Variants in UBE2Q1 observed in about 807,000 individuals in gnomAD.
The protein encoded by UBE2Q1 is ubiquitin conjugating enzyme E2 Q1.
In UBE2Q1, 6 loss-of-function variants were observed where a neutral mutation model predicts 60.1. The observed-to-expected ratio is 0.10, with a 90% CI of 0.05 to 0.20. UBE2Q1 has a LOEUF of 0.20. Among genes scored for constraint, UBE2Q1 ranks in the 10% least tolerant of loss-of-function variants. The probability of loss-of-function intolerance (pLI) is 1.00; values close to 1 mark genes in which losing one functional copy is unlikely to be tolerated. For missense variants in UBE2Q1, 262 were observed against 525.8 expected (o/e 0.50, Z 4.91); for synonymous variants, 226 against 208.3 (o/e 1.09, Z -0.73).
intron 6 of UBE2Q1, 75 bp from the exon 7 acceptor site, chr1:154,552,539 C>T: frequency 6.4e-7 from 1 of 1,561,286 alleles, no homozygotes; most frequent in Non-Finnish European, 8.8e-7. Flanking sequence ...ACCCCTTTCC[C>T]AGACTGAGAG....
Position 154,552,190 on chromosome 1 carries a change from A to G in UBE2Q1, c.876-7T>C. 6.2e-7 allele frequency: 1 copy of G among 1,614,196 alleles called. No individual in the cohort carries two copies. On this transcript the variant is annotated splice_polypyrimidine_tract_variant and splice_region_variant and intron_variant, in intron 7 of 12. Coordinates refer to ENST00000292211, the MANE Select transcript of UBE2Q1 (RefSeq NM_017582.7). ...AGCGCTGTCCTGGTCAACTCTAAGA[A>G]GCAACAAGCCTGGGCTCAGATGCCT...
At chr1:154,555,810 G>A in intron 2 of UBE2Q1, 50 bp downstream of exon 2, 1 of 1,534,172 alleles carries the variant, frequency 6.5e-7, no homozygotes, top group Non-Finnish European at 9.0e-7. Context: ...TGCCTTTGTG[G>A]CATGGGCCTC....
rs959485135 is a variant in UBE2Q1 at position 154,558,475 on chromosome 1, C to A, written c.79G>T (p.Ala27Ser). 2 of 1,286,874 alleles carry A rather than the reference C, an allele frequency of 1.6e-6. No individual in the cohort carries two copies. The allele number at this position is 1,286,874 out of a possible 1,614,324, so 79.7% of individuals were successfully genotyped here. A position where few individuals can be genotyped will look rare whatever the true frequency, so the allele number is the denominator to read the frequency against. Residue 27 changes from alanine to serine, a missense_variant, in exon 1 of 13, where the codon GCC becomes TCC. Physicochemically the swap from Ala to Ser is moderately conservative, Grantham distance 99. This residue lies in a region of UBE2Q1 where 70 missense variants were observed against 56.7 expected (regional missense o/e 1.24). Coordinates refer to ENST00000292211, the MANE Select transcript of UBE2Q1 (RefSeq NM_017582.7). The part of the protein sequence containing the change: ...QLGGQGAAPG[A>S]GGGPGGGPGP... The stretch of plus-strand genomic sequence containing the variant: ...GGGCCCCCCCCTGGGCCGCCCCCGG[C>A]CCCCGGCGCCGCCCCCTGGCCCCCC...
At chr1:154,551,513 G>C in intron 10 of UBE2Q1, 21 bp from the exon 11 acceptor site, 3 of 1,612,318 alleles carry the variant, frequency 1.9e-6, no homozygotes, top group Non-Finnish European at 2.5e-6. Context: ...GGAAGGACAA[G>C]GCAAGCAGGT....
At chr1:154,554,714 C>T (rs754397180) in intron 4 of UBE2Q1, 21 bp downstream of exon 4, 2 of 1,612,290 alleles carry the variant, frequency 1.2e-6, no homozygotes, top group Non-Finnish European at 8.5e-7. Context: ...CAGCCAATGC[C>T]ACCTCAGGGG....
In UBE2Q1 at chr1:154,550,316, A is replaced by C; in HGVS notation, c.*122T>G. On this transcript the variant is annotated 3_prime_UTR_variant, in exon 13 of 13. Transcript: ENST00000292211. Reference sequence around the variant, plus strand: ...GCCATCATTGTCCTGCAATAGGCAGAGCTATCACGTCCAGGAAAAATGAGG... The same window carrying C: ...GCCATCATTGTCCTGCAATAGGCAGCGCTATCACGTCCAGGAAAAATGAGG... 1 of 1,287,376 alleles carries C rather than the reference A, an allele frequency of 7.8e-7. No individual in the cohort carries two copies. The highest frequency in any genetic ancestry group is 1.9e-4 in the Middle Eastern group (1 of 5,316). 79.7% of individuals were successfully genotyped at this position (1,287,376 alleles called of 1,614,324 possible). A position where few individuals can be genotyped will look rare whatever the true frequency, so the allele number is the denominator to read the frequency against.
intron 4 of UBE2Q1, 71 bp downstream of exon 4, chr1:154,554,664 T>C (rs1012514638): frequency 1.4e-5 from 21 of 1,494,696 alleles, no homozygotes; most frequent in Admixed American, 1.8e-5. Context: ...AGACTGGAGT[T>C]CTGGATATGG....
intron 1 of UBE2Q1, among the ~76,000 whole-genome samples, chr1:154,556,582 G>A (rs1452219576): frequency 2.0e-5 from 3 of 152,212 alleles, no homozygotes; most frequent in African/African-American, 7.2e-5. Flanking sequence ...CCAGGCGTGG[G>A]CTGTAGGGCT....
chr1:154,552,311 A>C (rs1557844800), intron 7 of UBE2Q1, 93 bp downstream of exon 7: 3 of 1,594,688 alleles, frequency 1.9e-6, no homozygotes, highest in Non-Finnish European at 8.6e-7. Context: ...CCTGAATGAA[A>C]ATGCTGGATG....
At position 154,550,851 on chromosome 1, in the gene UBE2Q1, AAAG is replaced by A. The variant is rs1338836751; in HGVS notation, c.1237+84_1237+86del. On this transcript the variant is annotated intron_variant, in intron 12 of 12. Coordinates refer to ENST00000292211, the MANE Select transcript of UBE2Q1 (RefSeq NM_017582.7). The stretch of plus-strand genomic sequence containing the variant: ...ATGGGTGGTTGAGTATCAGAAACCA[AAAG>A]AAGGGGTTCTTGCTCTGTGGCTGGA... The A allele has an allele frequency of 8.7e-6, 14 of 1,608,606 alleles. No individual in the cohort carries two copies. The East Asian group carries it at 8.9e-5, about 10-fold the overall frequency.
Position 154,558,599 on chromosome 1 carries a change from G to C in UBE2Q1, c.-46C>G. 17 of 1,006,546 alleles carry C rather than the reference G, an allele frequency of 1.7e-5. No homozygotes were observed. Among genetic ancestry groups the C allele is most frequent in the Non-Finnish European group, 2.0e-5 (17 of 851,616 alleles). The allele number at this position is 1,006,546 out of a possible 1,614,324, so 62.4% of individuals were successfully genotyped here. ...GGGGCCGGCGGGCCGGGAGCCTCCGGCCTGCGCTCCGGGCTCCGCCGCCGC... is the reference window on the plus strand; with the variant it reads ...GGGGCCGGCGGGCCGGGAGCCTCCGCCCTGCGCTCCGGGCTCCGCCGCCGC... On this transcript the variant is annotated 5_prime_UTR_variant, in exon 1 of 13. Transcript: ENST00000292211.
At chr1:154,551,528 A>T (rs1362100093) in intron 10 of UBE2Q1, 36 bp from the exon 11 acceptor site, 1 of 1,604,478 alleles carries the variant, frequency 6.2e-7, no homozygotes, top group African/African-American at 1.3e-5. Context: ...GCAGGTCCAG[A>T]TGGAGCTTCC....
In UBE2Q1 at chr1:154,550,088, T is replaced by A; in HGVS notation, c.*350A>T. The A allele has an allele frequency of 4.1e-6, 1 of 243,410 alleles. No homozygotes were observed. Among genetic ancestry groups the A allele is most frequent in the Non-Finnish European group, 7.8e-6 (1 of 127,524 alleles). 15.1% of individuals were successfully genotyped at this position (243,410 alleles called of 1,614,324 possible). ...GCAGTGTACATGAAATAAGAGAAAA[T>A]AAATTAAAAATCCATAGCATAGGTA... On this transcript the variant is annotated 3_prime_UTR_variant, in exon 13 of 13. Transcript: ENST00000292211.
Position 154,555,414 on chromosome 1 carries a change from C to A in UBE2Q1, c.537+14G>T. The A allele has an allele frequency of 1.2e-6, 2 of 1,612,646 alleles. No individual in the cohort carries two copies. Among genetic ancestry groups the A allele is most frequent in the Non-Finnish European group, 1.7e-6 (2 of 1,178,910 alleles). On this transcript the variant is annotated intron_variant, in intron 3 of 12. Coordinates refer to ENST00000292211, the MANE Select transcript of UBE2Q1 (RefSeq NM_017582.7). ...ACTCTGCACAACAGGGCCCGAGGCT[C>A]CTCAGCTGCTCACCTGCTCTGCTGG...
rs1557845148 is a variant in UBE2Q1 at position 154,553,181 on chromosome 1, G to A, written c.589-9C>T. On this transcript the variant is annotated splice_polypyrimidine_tract_variant and intron_variant, in intron 4 of 12. Transcript: ENST00000292211. ...TCTAAGTCTTCTGTGTCCTGGAGGAGGTGTGGGGTGGGAGTGAAAAGAAAA... is the reference window on the plus strand; with the variant it reads ...TCTAAGTCTTCTGTGTCCTGGAGGAAGTGTGGGGTGGGAGTGAAAAGAAAA... 3 of 1,608,908 alleles carry A rather than the reference G, an allele frequency of 1.9e-6. No homozygotes were observed. Among genetic ancestry groups the A allele is most frequent in the East Asian group, 4.5e-5 (2 of 44,848 alleles).
At chr1:154,551,696 C>T (rs1439783176) in intron 10 of UBE2Q1, 75 bp downstream of exon 10, 18 of 1,591,424 alleles carry the variant, frequency 1.1e-5, no homozygotes, top group Non-Finnish European at 1.5e-5. Flanking sequence ...TCACCCAGCC[C>T]GTAGGGGTGT....
At position 154,550,225 on chromosome 1, in the gene UBE2Q1, C is replaced by T. The variant is rs1695770857; in HGVS notation, c.*213G>A. 3 of 625,186 alleles carry T rather than the reference C, an allele frequency of 4.8e-6. No homozygotes were observed. Among genetic ancestry groups the T allele is most frequent in the South Asian group, 5.3e-5 (2 of 37,998 alleles). The allele number at this position is 625,186 out of a possible 1,614,324, so 38.7% of individuals were successfully genotyped here. A position where few individuals can be genotyped will look rare whatever the true frequency, so the allele number is the denominator to read the frequency against. ...GGTTCCAGCAAGGTGGTTGGTTGGTCTGTAAGTCAGTCTTGAGTACTTGAA... is the reference window on the plus strand; with the variant it reads ...GGTTCCAGCAAGGTGGTTGGTTGGTTTGTAAGTCAGTCTTGAGTACTTGAA... On this transcript the variant is annotated 3_prime_UTR_variant, in exon 13 of 13. Transcript: ENST00000292211.
intron 2 of UBE2Q1, 57 bp downstream of exon 2, chr1:154,555,803 C>T (rs1390724910): frequency 4.0e-6 from 6 of 1,508,836 alleles, no homozygotes; most frequent in Non-Finnish European, 5.5e-6. Context: ...CACAGGATGC[C>T]TTTGTGGCAT....
rs536436585 is a variant in UBE2Q1, at chr1:154,551,671, G to A, written c.1074+100C>T. On this transcript the variant is annotated intron_variant, in intron 10 of 12. Transcript: ENST00000292211. ...AGACCCAGCCCAGCAGAATGAAAGG[G>A]CCACATCATGTCTATCACCCAGCCC... 4.5e-6 allele frequency: 7 copies of A among 1,540,448 alleles called. No homozygotes were observed. In the East Asian group the frequency reaches 1.3e-4, roughly 30 times the overall value.
Sources: gnomAD v4.1 joint callset for allele counts (sites outside exome capture counted in the v4.1 genomes callset) on GRCh38, gnomAD v4.1.1 for gene constraint, gnomAD v4.1.1 regional missense constraint, MANE v1.5 for transcripts, NCBI Gene and HGNC (gene_info 2026-07-23, HGNC 2026-07-21) for gene names.